SLC44A5: variants seen among roughly 807,000 people sequenced by gnomAD.
SLC44A5 encodes solute carrier family 44 member 5.
Under a neutral mutation model 101.8 loss-of-function variants are expected in SLC44A5, and 57 were observed. The ratio of observed to expected loss-of-function variants is 0.56; its 90% CI spans 0.45 to 0.70. The LOEUF (loss-of-function observed/expected upper bound fraction) is 0.70, where lower values mean the gene tolerates loss of function less well. SLC44A5 is among the 30% of genes least tolerant of loss of function. The pLI is 0.00. For synonymous variants in SLC44A5, 281 were observed against 290.9 expected, an observed-to-expected ratio of 0.97 and a Z score of 0.35; for missense variants, 737 against 853.1, an observed-to-expected ratio of 0.86 and a Z score of 1.70.
At chr1:75,517,287 A>G (rs1355105134) in intron 2 of SLC44A5, among the ~76,000 whole-genome samples, 1 of 152,130 alleles carries the variant, frequency 6.6e-6, no homozygotes, top group Non-Finnish European at 1.5e-5. Flanking sequence ...GGTGAAACAC[A>G]TATTAAATAA....
intron 3 of SLC44A5, among the ~76,000 whole-genome samples, chr1:75,356,892 A>G (rs1341189934): frequency 1.3e-5 from 2 of 152,126 alleles, no homozygotes; most frequent in African/African-American, 4.8e-5. Context: ...TGCTGTACAG[A>G]TTTGTAGCCT....
intron 1 of SLC44A5, among the ~76,000 whole-genome samples, chr1:75,590,800 G>A (rs1277711694): frequency 6.6e-6 from 1 of 152,110 alleles, no homozygotes; most frequent in Non-Finnish European, 1.5e-5. Context: ...TAGAAAATCA[G>A]ATAGATTCCT....
the SLC44A5 span, among the ~76,000 whole-genome samples, chr1:75,624,822 C>A: frequency 6.6e-6 from 1 of 152,100 alleles, no homozygotes; most frequent in South Asian, 2.1e-4. Flanking sequence ...TGAACACAGA[C>A]CTCTACTGAA....
chr1:75,245,885 G>A (rs1369511023), intron 7 of SLC44A5, among the ~76,000 whole-genome samples: 1 of 152,070 alleles, frequency 6.6e-6, no homozygotes, highest in African/African-American at 2.4e-5. Context: ...CCAAAATGAA[G>A]GTCACATTGA....
the SLC44A5 span, among the ~76,000 whole-genome samples, chr1:75,675,058 T>G: frequency 6.6e-6 from 1 of 152,204 alleles, no homozygotes; most frequent in African/African-American, 2.4e-5. Flanking sequence ...CCTTCAGCTT[T>G]GTTCTTTTTG....
At chr1:75,442,481 C>T (rs1300413692) in intron 2 of SLC44A5, among the ~76,000 whole-genome samples, 1 of 152,116 alleles carries the variant, frequency 6.6e-6, no homozygotes, top group Non-Finnish European at 1.5e-5. Context: ...AGCAACCATC[C>T]TGTTGTGTTA....
At chr1:75,399,768 G>A (rs1421187735) in intron 2 of SLC44A5, among the ~76,000 whole-genome samples, 1 of 152,092 alleles carries the variant, frequency 6.6e-6, no homozygotes, top group Non-Finnish European at 1.5e-5. Flanking sequence ...ATTAAAATAT[G>A]TTGCTTTATT....
chr1:75,215,562 TA>T (rs1273516300), intron 19 of SLC44A5, among the ~76,000 whole-genome samples, 191 bp downstream of exon 19: 1 of 151,980 alleles, frequency 6.6e-6, no homozygotes, highest in Non-Finnish European at 1.5e-5. Flanking sequence ...AAGGTAATAA[TA>T]AAGTATAGTT....
intron 4 of SLC44A5, among the ~76,000 whole-genome samples, chr1:75,302,528 G>A (rs1654572293): frequency 6.6e-6 from 1 of 152,098 alleles, no homozygotes; most frequent in Non-Finnish European, 1.5e-5. Flanking sequence ...CGCAAGGGAG[G>A]CATTCTAAGA....
chr1:75,269,330 T>A (rs920051603), intron 6 of SLC44A5, among the ~76,000 whole-genome samples: 6 of 152,084 alleles, frequency 3.9e-5, no homozygotes, highest in African/African-American at 7.2e-5. Context: ...TTTGGTCAGA[T>A]ATATATGTTG....
intron 3 of SLC44A5, among the ~76,000 whole-genome samples, chr1:75,365,825 A>G: frequency 6.6e-6 from 1 of 152,072 alleles, no homozygotes; most frequent in East Asian, 1.9e-4. Flanking sequence ...CTCTGTTGTT[A>G]CCAGGGGGGT....
intron 2 of SLC44A5, among the ~76,000 whole-genome samples, chr1:75,468,213 G>T (rs1380056399): frequency 6.6e-6 from 1 of 152,144 alleles, no homozygotes; most frequent in African/African-American, 2.4e-5. Flanking sequence ...TTCATACACT[G>T]TTGGTGGGAA....
intron 1 of SLC44A5, among the ~76,000 whole-genome samples, chr1:75,567,212 T>C (rs932257504): frequency 6.6e-5 from 10 of 151,722 alleles, no homozygotes; most frequent in Non-Finnish European, 1.5e-4. Flanking sequence ...TTTTTGCACT[T>C]TTTCCAAAAC....
intron 2 of SLC44A5, among the ~76,000 whole-genome samples, chr1:75,497,682 G>A (rs1668747130): frequency 2.6e-5 from 4 of 152,002 alleles, no homozygotes; most frequent in Admixed American, 1.3e-4. Context: ...AGATGGATAC[G>A]TTAATTCTAT....
chr1:75,294,255 C>T lies in SLC44A5; in HGVS notation c.175+6357G>A, dbSNP rs186669237. 4.9e-4 allele frequency among the ~76,000 whole-genome samples: 75 copies of T among 152,240 alleles called. 1 individual carries two copies. Among genetic ancestry groups the T allele is most frequent in the Admixed American group, 3.2e-3 (49 of 15,288 alleles). On this transcript the variant is annotated intron_variant, in intron 5 of 23. Coordinates refer to ENST00000370859, the MANE Select transcript of SLC44A5 (RefSeq NM_001130058.2). ...CCTCTTGCAATGAATATTGTGGTCA[C>T]ACCACCAAGTTCCCAAATTAGAACA...
chr1:75,350,665 C>T (rs746581796), intron 3 of SLC44A5, among the ~76,000 whole-genome samples: 29 of 151,406 alleles, frequency 1.9e-4, no homozygotes, highest in Non-Finnish European at 3.1e-4. Context: ...GAGGCCAAGG[C>T]GGGAGGATCA....
the SLC44A5 span, among the ~76,000 whole-genome samples, chr1:75,657,630 C>T: frequency 1.3e-5 from 2 of 151,070 alleles, no homozygotes; most frequent in African/African-American, 4.9e-5. Flanking sequence ...GCTATATTTA[C>T]ATCAGATAAA....
chr1:75,385,939 C>T (rs1407538666), intron 3 of SLC44A5, among the ~76,000 whole-genome samples: 2 of 152,102 alleles, frequency 1.3e-5, no homozygotes, highest in African/African-American at 2.4e-5. Context: ...AGCATATAAA[C>T]AGAACCAAAG....
At chr1:75,276,784 A>C (rs888611162) in intron 5 of SLC44A5, among the ~76,000 whole-genome samples, 2 of 152,118 alleles carry the variant, frequency 1.3e-5, no homozygotes, top group Non-Finnish European at 1.5e-5. Context: ...AAATAGGTAT[A>C]AGGGAGATGA....
Sources: allele counts gnomAD v4.1 joint callset (sites outside exome capture counted in the v4.1 genomes callset), GRCh38; gene constraint gnomAD v4.1.1; transcripts MANE v1.5; gene names NCBI Gene and HGNC (gene_info 2026-07-23, HGNC 2026-07-21).